KAT6A: variants seen among roughly 807,000 people sequenced by gnomAD.
KAT6A encodes histone acetyltransferase KAT6A.
In KAT6A, 9 loss-of-function variants were observed where a neutral mutation model predicts 198.4. That is an observed-to-expected ratio of 0.05 (90% confidence interval 0.03 to 0.08). The LOEUF (loss-of-function observed/expected upper bound fraction) is 0.08, where lower values mean the gene tolerates loss of function less well. KAT6A is among the 10% of genes least tolerant of loss of function. The probability of loss-of-function intolerance (pLI) is 1.00; values close to 1 mark genes in which losing one functional copy is unlikely to be tolerated. For synonymous variants in KAT6A, 890 were observed against 883.0 expected (o/e 1.01, Z -0.14); for missense variants, 2,077 against 2,509.9 (o/e 0.83, Z 3.69).
intron 2 of KAT6A, among the ~76,000 whole-genome samples, chr8:42,019,101 G>A (rs1369990770): frequency 1.3e-5 from 2 of 152,134 alleles, no homozygotes; most frequent in African/African-American, 4.8e-5. Context: ...AGCATTTAGG[G>A]AAAGTCATTT....
intron 2 of KAT6A, among the ~76,000 whole-genome samples, chr8:41,997,045 G>T (rs1001213652): frequency 6.6e-6 from 1 of 152,148 alleles, no homozygotes; most frequent in Non-Finnish European, 1.5e-5. Context: ...GGAAGTTATT[G>T]TTTAATGGAT....
Position 41,941,061 on chromosome 8 carries a change from G to A in KAT6A, c.2820C>T (p.Leu940=), listed in dbSNP as rs748457130. 3 of 1,614,152 alleles carry A rather than the reference G, an allele frequency of 1.9e-6. No individual in the cohort carries two copies. The highest frequency in any genetic ancestry group is 1.7e-6 in the Non-Finnish European group (2 of 1,180,034). Residue 940 remains leucine (L), a synonymous_variant, in exon 15 of 17, where the codon CTC becomes CTT. Coordinates refer to ENST00000265713, the MANE Select transcript of KAT6A (RefSeq NM_006766.5). ...CTCGCCAGGGCTCAACCCCCTCACT[G>A]AGTCTTCTCTTGGGAAGGTCAGGTT... ...DGKPDLPKRR[L]SEGVEPWRGQ...
chr8:42,026,436 C>T (rs1826814989), intron 2 of KAT6A, among the ~76,000 whole-genome samples: 1 of 151,992 alleles, frequency 6.6e-6, no homozygotes, highest in Non-Finnish European at 1.5e-5. Flanking sequence ...TTGTGTCCTC[C>T]AATTTTTTTT....
intron 12 of KAT6A, among the ~76,000 whole-genome samples, chr8:41,945,733 T>C (rs1822347699): frequency 6.6e-6 from 1 of 151,914 alleles, no homozygotes; most frequent in South Asian, 2.1e-4. Flanking sequence ...TGTTTAAAAA[T>C]ATTTCGTGTC....
intron 8 of KAT6A, chr8:41,957,308 G>A (rs1300492601): frequency 8.9e-6 from 5 of 562,096 alleles, no homozygotes; most frequent in African/African-American, 7.6e-5. Flanking sequence ...CCCTGAGCAA[G>A]CCTCCACAGC....
At chr8:41,956,334 G>C (rs1350138958) in intron 8 of KAT6A, among the ~76,000 whole-genome samples, 1 of 152,062 alleles carries the variant, frequency 6.6e-6, no homozygotes, top group East Asian at 1.9e-4. Flanking sequence ...AATACTAACT[G>C]ACAAGAAAAA....
intron 1 of KAT6A, among the ~76,000 whole-genome samples, chr8:42,051,460 C>A (rs1381644345): frequency 1.3e-5 from 2 of 148,160 alleles, no homozygotes; most frequent in Non-Finnish European, 3.0e-5. Context: ...GCGGCCCGGC[C>A]CGGCACAGCC....
At chr8:41,990,490 G>T (rs1478715832) in intron 2 of KAT6A, among the ~76,000 whole-genome samples, 9 of 152,096 alleles carry the variant, frequency 5.9e-5, no homozygotes, top group Admixed American at 5.9e-4. Context: ...CCAGCATAAA[G>T]AACTTTTTAC....
chr8:42,031,953 G>A (rs181920524), intron 2 of KAT6A, among the ~76,000 whole-genome samples: 151 of 149,878 alleles, frequency 1.0e-3, no homozygotes, highest in African/African-American at 3.3e-3. Context: ...TTTTTGAGAC[G>A]GAGTCTCACT....
chr8:41,957,121 T>C (rs1351123042), intron 8 of KAT6A: 1 of 604,074 alleles, frequency 1.7e-6, no homozygotes, highest in Non-Finnish European at 3.3e-6. Flanking sequence ...GGATGCCCGA[T>C]GTGAAAGTGG....
At chr8:42,004,801 G>A (rs187961089) in intron 2 of KAT6A, among the ~76,000 whole-genome samples, 120 of 151,976 alleles carry the variant, frequency 7.9e-4, no homozygotes, top group African/African-American at 2.7e-3. Context: ...GGTGGTGTGC[G>A]CCTGTAGTCA....
intron 12 of KAT6A, 80 bp downstream of exon 12, chr8:41,946,511 C>CAA: frequency 1.4e-6 from 1 of 690,126 alleles, no homozygotes; most frequent in South Asian, 1.6e-5. Flanking sequence ...CACACACACA[C>CAA]ACACACACAC....
At chr8:41,938,663 G>A (rs1424219519) in intron 15 of KAT6A, among the ~76,000 whole-genome samples, 18 of 151,982 alleles carry the variant, frequency 1.2e-4, no homozygotes, top group Admixed American at 1.2e-3. Flanking sequence ...TTAAACACAG[G>A]AGGCCAGGCG....
chr8:42,048,345 C>G (rs377026464), intron 2 of KAT6A, 33 bp downstream of exon 2: 1 of 1,600,406 alleles, frequency 6.2e-7, no homozygotes, highest in Non-Finnish European at 8.5e-7. Context: ...ATATCATCAG[C>G]TCTATAAACC....
At chr8:42,024,258 T>C (rs971704673) in intron 2 of KAT6A, among the ~76,000 whole-genome samples, 1 of 152,334 alleles carries the variant, frequency 6.6e-6, no homozygotes, top group South Asian at 2.1e-4. Flanking sequence ...GCACACTATG[T>C]ACACTATAAT....
chr8:41,933,267 C>G lies in KAT6A; in HGVS notation c.4953G>C (p.Pro1651=). The G allele has an allele frequency of 1.9e-6, 3 of 1,555,252 alleles. No individual in the cohort carries two copies. The highest frequency in any genetic ancestry group is 1.3e-5 in the African/African-American group (1 of 74,172). Residue 1651 remains proline (P), a synonymous_variant, in exon 17 of 17, where the codon CCG becomes CCC. Coordinates refer to ENST00000265713, the MANE Select transcript of KAT6A (RefSeq NM_006766.5). This position sits in a 1 kb window ranked among gnomAD's most constrained non-coding sequence, Gnocchi z 6.2. ...GTGGCTGCTGTGGAGGCGGTGGTGG[C>G]GGCTGCTGCTGCTGGTTACTGGGAG... ...ERPPSNQQQQ[P]PPPPPQQPQP... is the part of the protein sequence containing the mutation.
At chr8:41,945,214 A>T (rs1822315943) in intron 12 of KAT6A, among the ~76,000 whole-genome samples, 1 of 151,972 alleles carries the variant, frequency 6.6e-6, no homozygotes, top group African/African-American at 2.4e-5. Flanking sequence ...GAGCCTAACT[A>T]AAAAAAATGC....
At chr8:41,945,886 G>A (rs75208370) in intron 12 of KAT6A, among the ~76,000 whole-genome samples, 1,799 of 151,994 alleles carry the variant, frequency 0.012, 32 homozygotes, top group African/African-American at 0.04. Context: ...AAAATTAGCC[G>A]GGTTGTGGTG....
chr8:41,981,062 G>A, intron 4 of KAT6A, 135 bp from the exon 5 acceptor site: 3 of 659,772 alleles, frequency 4.5e-6, no homozygotes, highest in South Asian at 1.6e-5. Flanking sequence ...GCTCACGCCT[G>A]TAATCCCAAC....
Sources: gnomAD v4.1 joint callset for allele counts (sites outside exome capture counted in the v4.1 genomes callset) on GRCh38, gnomAD v4.1.1 for gene constraint, Gnocchi (gnomAD v3.1) non-coding constraint, MANE v1.5 for transcripts, NCBI Gene and HGNC (gene_info 2026-07-23, HGNC 2026-07-21) for gene names.